MTUS2: variants seen among roughly 807,000 people sequenced by gnomAD.
The protein encoded by MTUS2 is microtubule-associated tumor suppressor candidate 2.
In MTUS2, 40 loss-of-function variants were observed where a neutral mutation model predicts 114.1. That is an observed-to-expected ratio of 0.35 (90% CI 0.27 to 0.46). The LOEUF is 0.46. MTUS2 is among the 20% of genes least tolerant of loss of function. The pLI, the probability that MTUS2 is intolerant of heterozygous loss-of-function variation, is 1.00. For synonymous variants in MTUS2, 688 were observed against 672.0 expected, an observed-to-expected ratio of 1.02 and a Z score of -0.37; for missense variants, 1,679 against 1,705.4, an observed-to-expected ratio of 0.98 and a Z score of 0.27.
At chr13:29,261,619 T>C (rs566002332) in intron 5 of MTUS2, among the ~76,000 whole-genome samples, 1 of 152,366 alleles carries the variant, frequency 6.6e-6, no homozygotes, top group East Asian at 1.9e-4. Context: ...TAATAAAAGC[T>C]ACTATATAAG....
At chr13:28,881,326 A>G (rs1398778392) in intron 2 of MTUS2, among the ~76,000 whole-genome samples, 1 of 152,192 alleles carries the variant, frequency 6.6e-6, no homozygotes, top group East Asian at 1.9e-4. Context: ...TAGTGGCTGC[A>G]TAGTATTCCA....
At chr13:29,488,728 G>A (rs1881831118) in intron 11 of MTUS2, among the ~76,000 whole-genome samples, 1 of 152,152 alleles carries the variant, frequency 6.6e-6, no homozygotes, top group Non-Finnish European at 1.5e-5. Flanking sequence ...TTGGATCGGG[G>A]TATCCAGAGC....
chr13:28,935,006 GTTTTT>G (rs775863792), intron 2 of MTUS2, among the ~76,000 whole-genome samples: 14 of 41,444 alleles, frequency 3.4e-4, no homozygotes, highest in African/African-American at 1.4e-3. Flanking sequence ...TCTCCATAGC[GTTTTT>G]TTTTTTTTTT....
chr13:29,293,475 C>A (rs1898803545), intron 6 of MTUS2, among the ~76,000 whole-genome samples: 1 of 152,092 alleles, frequency 6.6e-6, no homozygotes. Context: ...GGTACACAAA[C>A]ACTCTTGTAG....
intron 5 of MTUS2, among the ~76,000 whole-genome samples, chr13:29,126,565 A>G (rs1891525147): frequency 6.6e-6 from 1 of 152,126 alleles, no homozygotes; most frequent in African/African-American, 2.4e-5. Flanking sequence ...GCAGCCCAGG[A>G]TGGGTTTGAA....
At chr13:29,188,981 T>C (rs901556220) in intron 5 of MTUS2, among the ~76,000 whole-genome samples, 2 of 152,152 alleles carry the variant, frequency 1.3e-5, no homozygotes, top group African/African-American at 4.8e-5. Context: ...ATGAACAACA[T>C]GTAGAGTCTG....
At chr13:28,944,102 T>C (rs1216908340) in intron 2 of MTUS2, among the ~76,000 whole-genome samples, 1 of 152,030 alleles carries the variant, frequency 6.6e-6, no homozygotes, top group South Asian at 2.1e-4. Context: ...TTTCTTTTTT[T>C]AATATATAAT....
At chr13:29,042,789 AT>A (rs2138564535) in intron 4 of MTUS2, among the ~76,000 whole-genome samples, 1 of 152,076 alleles carries the variant, frequency 6.6e-6, no homozygotes, top group South Asian at 2.1e-4. Context: ...GATCTTTTGT[AT>A]TTCTGTGGTA....
intron 2 of MTUS2, among the ~76,000 whole-genome samples, chr13:28,994,078 T>G (rs955417034): frequency 1.3e-5 from 2 of 151,906 alleles, no homozygotes; most frequent in East Asian, 1.9e-4. Context: ...CAGTCGCCGG[T>G]GTGTGATGTT....
At chr13:29,326,944 C>T (rs9506142) in intron 7 of MTUS2, among the ~76,000 whole-genome samples, 83,736 of 151,920 alleles carry the variant, frequency 0.55, 25,884 homozygotes, top group East Asian at 0.76. Context: ...CACGCCACTA[C>T]ACTCCAGCCT....
chr13:29,332,963 G>C (rs1900867666), intron 7 of MTUS2, among the ~76,000 whole-genome samples: 1 of 151,946 alleles, frequency 6.6e-6, no homozygotes, highest in African/African-American at 2.4e-5. Context: ...TGTGATGTTA[G>C]AGTGTCGATT....
intron 2 of MTUS2, among the ~76,000 whole-genome samples, chr13:28,890,901 A>G (rs1003472337): frequency 6.6e-6 from 1 of 152,134 alleles, no homozygotes; most frequent in African/African-American, 2.4e-5. Context: ...GGCAAGCTCC[A>G]TGGCTTCCTT....
At position 29,359,253 on chromosome 13, in the gene MTUS2, T is replaced by A; in HGVS notation, c.2906-9T>A. On this transcript the variant is annotated splice_polypyrimidine_tract_variant and intron_variant, in intron 7 of 15. Coordinates refer to ENST00000612955, the MANE Select transcript of MTUS2 (RefSeq NM_001033602.4). Reference sequence around the variant, plus strand: ...ACAGGTGACCGGGGTTTGGTTTTCTTTCTCACAGGATACCCAAAGCAGAGG... The same window carrying A: ...ACAGGTGACCGGGGTTTGGTTTTCTATCTCACAGGATACCCAAAGCAGAGG... The A allele has an allele frequency of 6.3e-7, 1 of 1,585,786 alleles. No homozygotes were observed. The highest frequency in any genetic ancestry group is 8.6e-7 in the Non-Finnish European group (1 of 1,165,370).
At chr13:29,335,227 A>G (rs1329051963) in intron 7 of MTUS2, among the ~76,000 whole-genome samples, 2 of 152,156 alleles carry the variant, frequency 1.3e-5, no homozygotes, top group Non-Finnish European at 2.9e-5. Flanking sequence ...GGAGATGACC[A>G]TATCTTTTAC....
At chr13:28,918,247 G>T (rs966711547) in intron 2 of MTUS2, among the ~76,000 whole-genome samples, 1 of 151,930 alleles carries the variant, frequency 6.6e-6, no homozygotes. Context: ...CTGTTTGGAA[G>T]ATCTGTCCAG....
chr13:29,245,485 A>G (rs1403274767), intron 5 of MTUS2, among the ~76,000 whole-genome samples: 2 of 152,188 alleles, frequency 1.3e-5, no homozygotes, highest in Non-Finnish European at 2.9e-5. Context: ...ACTGCACTGG[A>G]TAACAGGGAC....
At chr13:29,057,488 G>A (rs956930478) in intron 4 of MTUS2, among the ~76,000 whole-genome samples, 2 of 152,072 alleles carry the variant, frequency 1.3e-5, no homozygotes, top group East Asian at 3.9e-4. Context: ...CCTGTGTTGG[G>A]TGCATATGTA....
At chr13:29,341,078 T>G (rs1901369285) in intron 7 of MTUS2, among the ~76,000 whole-genome samples, 1 of 152,224 alleles carries the variant, frequency 6.6e-6, no homozygotes, top group African/African-American at 2.4e-5. Flanking sequence ...GATTCCATAT[T>G]TTTGCAATTG....
rs1881073062 is a variant in MTUS2 at position 29,480,391 on chromosome 13, T to C, written c.3399+27T>C. ...TCAGTCTGCAGTGCGGCTCGAGCTCTGCTGTTGGGTGATGCAGGTGGCGGG... is the reference window on the plus strand; with the variant it reads ...TCAGTCTGCAGTGCGGCTCGAGCTCCGCTGTTGGGTGATGCAGGTGGCGGG... On this transcript the variant is annotated intron_variant, in intron 10 of 15. Transcript: ENST00000612955. This position sits in a 1 kb window ranked among gnomAD's most constrained non-coding sequence, Gnocchi z 4.4. 1.4e-6 allele frequency: 2 copies of C among 1,479,580 alleles called. No homozygotes were observed. The highest frequency in any genetic ancestry group is 2.8e-5 in the African/African-American group (2 of 70,706). 91.7% of individuals were successfully genotyped at this position (1,479,580 alleles called of 1,614,324 possible). A position where few individuals can be genotyped will look rare whatever the true frequency, so the allele number is the denominator to read the frequency against.
Sources: allele counts gnomAD v4.1 joint callset (sites outside exome capture counted in the v4.1 genomes callset), GRCh38; gene constraint gnomAD v4.1.1; non-coding constraint Gnocchi (gnomAD v3.1); transcripts MANE v1.5; gene names NCBI Gene and HGNC (gene_info 2026-07-23, HGNC 2026-07-21).